Variants in F13A1 observed in about 807,000 individuals in gnomAD.
The protein encoded by F13A1 is FSF, A subunit.
In F13A1, 47 loss-of-function variants were observed where a neutral mutation model predicts 80.1. The ratio of observed to expected loss-of-function variants is 0.59; its 90% CI spans 0.46 to 0.75. The LOEUF (loss-of-function observed/expected upper bound fraction) is 0.75, where lower values mean the gene tolerates loss of function less well. F13A1 is among the 30% of genes least tolerant of loss of function. The pLI is 0.00. For missense variants in F13A1, 817 were observed against 930.4 expected (o/e 0.88, Z 1.59); for synonymous variants, 349 against 344.9 (o/e 1.01, Z -0.13).
intron 8 of F13A1, among the ~76,000 whole-genome samples, chr6:6,213,993 T>C (rs1180311672): frequency 2.4e-5 from 3 of 123,206 alleles, no homozygotes; most frequent in African/African-American, 9.7e-5. Context: ...CCTAAATATA[T>C]ATGCACCCAA....
At position 6,144,358 on chromosome 6, in the gene F13A1, T is replaced by G. The variant is rs1237190253; in HGVS notation, c.*1261A>C. On this transcript the variant is annotated 3_prime_UTR_variant, in exon 15 of 15. Transcript: ENST00000264870. ...TAGACCAGAGCATTCCATTCTGATT[T>G]TGCCCCCAGTATACTTATCACTGTT... is the stretch of plus-strand genomic sequence containing the variant. 1 of 152,214 alleles carries G rather than the reference T, an allele frequency of 6.6e-6. No homozygotes were observed. The highest frequency in any genetic ancestry group is 2.4e-5 in the African/African-American group (1 of 41,454). The allele number at this position is 152,214 out of a possible 1,614,324, so 9.4% of individuals were successfully genotyped here. A position where few individuals can be genotyped will look rare whatever the true frequency, so the allele number is the denominator to read the frequency against.
At chr6:6,294,244 T>C (rs1257223413) in intron 3 of F13A1, among the ~76,000 whole-genome samples, 2 of 152,166 alleles carry the variant, frequency 1.3e-5, no homozygotes, top group African/African-American at 4.8e-5. Context: ...GGAAGGCAGA[T>C]CCACCCTTAA....
intron 4 of F13A1, among the ~76,000 whole-genome samples, chr6:6,262,450 C>G (rs1169006776): frequency 2.6e-5 from 4 of 152,206 alleles, no homozygotes; most frequent in Non-Finnish European, 4.4e-5. Context: ...AGTAGGACTC[C>G]TAGAGGCAGA....
chr6:6,174,761 G>A lies in F13A1; in HGVS notation c.1566C>T (p.Asp522=), dbSNP rs778183856. Residue 522 remains aspartate (D), a synonymous_variant, in exon 12 of 15, where the codon GAC becomes GAT. Transcript: ENST00000264870. ...VMKSRSNVDM[D]FEVENAVLGK... ...CCAGCACAGCATTTTCCACTTCAAA[G>A]TCCATGTCAACGTTGGACCTTGATT... The A allele has an allele frequency of 1.2e-6, 2 of 1,614,186 alleles. No homozygotes were observed. Among genetic ancestry groups the A allele is most frequent in the East Asian group, 2.2e-5 (1 of 44,878 alleles).
At chr6:6,278,718 G>T (rs1463620058) in intron 3 of F13A1, among the ~76,000 whole-genome samples, 1 of 152,130 alleles carries the variant, frequency 6.6e-6, no homozygotes. Flanking sequence ...GACAGTGCCT[G>T]AGCAGGGGAA....
At chr6:6,211,825 C>A (rs1012286791) in intron 8 of F13A1, among the ~76,000 whole-genome samples, 4 of 152,230 alleles carry the variant, frequency 2.6e-5, no homozygotes, top group Non-Finnish European at 5.9e-5. Flanking sequence ...GTGCGCGCAC[C>A]ATGCGCGAGC....
At chr6:6,193,799 TCTC>T (rs1761244114) in intron 10 of F13A1, among the ~76,000 whole-genome samples, 2 of 152,268 alleles carry the variant, frequency 1.3e-5, no homozygotes, top group African/African-American at 2.4e-5. Flanking sequence ...TTCAGAGTGA[TCTC>T]CTCATTAGGG....
At position 6,187,102 on chromosome 6, in the gene F13A1, T is replaced by C. The variant is rs558561202; in HGVS notation, c.1306-4961A>G. ...ATCCTGAGACTTTGCTGAAGTTGCT[T>C]ATCAGCTTAAGGAGCTTTTGGGCTG... On this transcript the variant is annotated intron_variant, in intron 10 of 14. Coordinates refer to ENST00000264870, the MANE Select transcript of F13A1 (RefSeq NM_000129.4). Among the ~76,000 whole-genome samples, 303 of 124,938 alleles carry C rather than the reference T, an allele frequency of 2.4e-3. 6 individuals are homozygous for C. In the East Asian group the frequency reaches 0.029, roughly 12 times the overall value. 82.0% of individuals were successfully genotyped at this position (124,938 alleles called of 152,430 possible). A position where few individuals can be genotyped will look rare whatever the true frequency, so the allele number is the denominator to read the frequency against.
chr6:6,152,515 A>G (rs566993471), intron 13 of F13A1, among the ~76,000 whole-genome samples: 1 of 152,296 alleles, frequency 6.6e-6, no homozygotes, highest in Non-Finnish European at 1.5e-5. Context: ...CAGGAAAATA[A>G]AAGGTTATTT....
chr6:6,228,380 C>A (rs1757305645), intron 6 of F13A1, among the ~76,000 whole-genome samples: 1 of 152,104 alleles, frequency 6.6e-6, no homozygotes, highest in Non-Finnish European at 1.5e-5. Context: ...AACCATCTTA[C>A]CAGCTAGTCA....
At chr6:6,150,843 G>A (rs530163532) in intron 14 of F13A1, among the ~76,000 whole-genome samples, 1 of 152,296 alleles carries the variant, frequency 6.6e-6, no homozygotes, top group South Asian at 2.1e-4. Context: ...AAATTGGAAT[G>A]TGTGGGAGAG....
At chr6:6,151,681 T>G in intron 14 of F13A1, 132 bp downstream of exon 14, 1 of 1,251,372 alleles carries the variant, frequency 8.0e-7, no homozygotes, top group Non-Finnish European at 1.2e-6. Flanking sequence ...CCTACAGAAA[T>G]GGTCGGCAAG....
intron 10 of F13A1, among the ~76,000 whole-genome samples, chr6:6,182,625 CTGTTTTCAGG>C (rs565173822): frequency 2.6e-4 from 39 of 152,236 alleles, no homozygotes; most frequent in East Asian, 1.2e-3. Flanking sequence ...CTGCTTTCAG[CTGTTTTCAGG>C]TGTTTTCAGG....
intron 3 of F13A1, among the ~76,000 whole-genome samples, chr6:6,289,120 T>C (rs1402048487): frequency 6.6e-6 from 1 of 152,170 alleles, no homozygotes. Context: ...CTTTAACCCA[T>C]AAATGGCTGT....
intron 2 of F13A1, among the ~76,000 whole-genome samples, chr6:6,317,091 CAG>C (rs1022175129): frequency 2.3e-4 from 35 of 152,290 alleles, no homozygotes; most frequent in Admixed American, 1.2e-3. Flanking sequence ...TCCGGGGGCC[CAG>C]AGTCTTTTGG....
rs139399791 is a variant in F13A1, at chr6:6,218,469, C to T, written c.1112+3564G>A. Among the ~76,000 whole-genome samples, 169 of 152,316 alleles carry T rather than the reference C, an allele frequency of 1.1e-3. 1 individual carries two copies. The highest frequency in any genetic ancestry group is 4.0e-3 in the African/African-American group (166 of 41,556). The stretch of plus-strand genomic sequence containing the variant: ...ACACATAATTCAGAACTCATCAGCA[C>T]GCTGGGGACAGGCGGCCGAAATTGC... On this transcript the variant is annotated intron_variant, in intron 8 of 14. Transcript: ENST00000264870.
intron 3 of F13A1, among the ~76,000 whole-genome samples, chr6:6,290,653 A>T (rs1050196935): frequency 6.6e-6 from 1 of 152,210 alleles, no homozygotes; most frequent in Non-Finnish European, 1.5e-5. Context: ...ATCTCACATG[A>T]CAGGTGTTCA....
At chr6:6,299,027 T>TA (rs1583118793) in intron 3 of F13A1, among the ~76,000 whole-genome samples, 4 of 147,944 alleles carry the variant, frequency 2.7e-5, no homozygotes, top group East Asian at 3.9e-4. Flanking sequence ...TGGCTGGATA[T>TA]GAAATTCGGG....
chr6:6,207,207 C>T (rs1761504711), intron 8 of F13A1, among the ~76,000 whole-genome samples: 1 of 152,164 alleles, frequency 6.6e-6, no homozygotes, highest in Admixed American at 6.6e-5. Flanking sequence ...AGTAGCTTTG[C>T]AAACTTGCAG....
Sources: allele counts gnomAD v4.1 joint callset (sites outside exome capture counted in the v4.1 genomes callset), GRCh38; gene constraint gnomAD v4.1.1; transcripts MANE v1.5; gene names NCBI Gene and HGNC (gene_info 2026-07-23, HGNC 2026-07-21).